HORMAD2: variants seen among roughly 807,000 people sequenced by gnomAD.
HORMAD2 encodes the protein HORMA domain containing 2.
A neutral mutation model predicts 38.8 loss-of-function variants in HORMAD2; 45 were observed. The ratio of observed to expected loss-of-function variants is 1.16; its 90% CI spans 0.91 to 1.49. The LOEUF (loss-of-function observed/expected upper bound fraction) is 1.49. Among genes scored for constraint, HORMAD2 ranks in the 40% most tolerant of loss-of-function variants. HORMAD2 has a pLI of 0.00. For missense variants in HORMAD2, 338 were observed against 367.0 expected, an observed-to-expected ratio of 0.92 and a Z score of 0.65; for synonymous variants, 126 against 122.8, an observed-to-expected ratio of 1.03 and a Z score of -0.17.
chr22:30,090,076 A>G (rs2146065598), intron 1 of HORMAD2, among the ~76,000 whole-genome samples: 1 of 152,310 alleles, frequency 6.6e-6, no homozygotes, highest in Admixed American at 6.5e-5. Flanking sequence ...TTAAGATTGA[A>G]TAGGGGTCGG....
At chr22:30,078,607 CAAAAAAAAAAAA>C (rs55966787), upstream of HORMAD2, among the ~76,000 whole-genome samples, 8 of 28,104 alleles carry the variant, frequency 2.8e-4, no homozygotes, top group South Asian at 2.0e-3. Context: ...CTCTGTCTCA[CAAAAAAAAAAAA>C]AAAAAAAAAA....
chr22:30,126,782 T>G (rs1315200561), intron 10 of HORMAD2, among the ~76,000 whole-genome samples: 2 of 152,222 alleles, frequency 1.3e-5, no homozygotes, highest in African/African-American at 2.4e-5. Context: ...AAAGTATTTG[T>G]GCCAATTTAC....
At chr22:30,145,730 T>C (rs983507254) in intron 10 of HORMAD2, among the ~76,000 whole-genome samples, 4 of 152,200 alleles carry the variant, frequency 2.6e-5, no homozygotes, top group African/African-American at 4.8e-5. Flanking sequence ...CTGTGTGTAA[T>C]TGAAATTCCA....
chr22:30,156,338 A>C (rs1925071405), intron 10 of HORMAD2, among the ~76,000 whole-genome samples: 2 of 152,240 alleles, frequency 1.3e-5, no homozygotes, highest in East Asian at 1.9e-4. Context: ...CTAAAAAAGC[A>C]TATATTATTA....
intron 7 of HORMAD2, among the ~76,000 whole-genome samples, chr22:30,118,141 G>A (rs1024107947): frequency 1.3e-5 from 2 of 152,022 alleles, no homozygotes; most frequent in African/African-American, 2.4e-5. Context: ...AAACTCTTCC[G>A]TAGACTTCTA....
intron 10 of HORMAD2, among the ~76,000 whole-genome samples, chr22:30,141,417 A>C (rs1204608925): frequency 1.3e-5 from 2 of 152,028 alleles, no homozygotes; most frequent in African/African-American, 2.4e-5. Context: ...GTTTGGTTAC[A>C]TGAGTAAGTT....
the HORMAD2 span, chr22:30,192,370 T>A: frequency 6.6e-6 from 1 of 152,200 alleles, no homozygotes; most frequent in Non-Finnish European, 1.5e-5. Context: ...AGGGTTTGTA[T>A]ACATAGAGTC....
the HORMAD2 span, among the ~76,000 whole-genome samples, chr22:30,200,653 T>A: frequency 1.3e-5 from 2 of 151,542 alleles, no homozygotes; most frequent in Admixed American, 6.6e-5. Context: ...TCAAGGGGGG[T>A]GGTGGTCCAA....
At chr22:30,172,663 G>A (rs1011415959) in intron 10 of HORMAD2, among the ~76,000 whole-genome samples, 5 of 152,116 alleles carry the variant, frequency 3.3e-5, no homozygotes, top group Non-Finnish European at 5.9e-5. Context: ...CAACGCATGC[G>A]GATCACCTGA....
At chr22:30,177,256 A>T (rs995876727), downstream of HORMAD2, among the ~76,000 whole-genome samples, 3 of 152,048 alleles carry the variant, frequency 2.0e-5, no homozygotes, top group Non-Finnish European at 4.4e-5. Flanking sequence ...ACTGTGGAAA[A>T]CTCTCCAGAT....
At chr22:30,117,821 C>A (rs1400190619) in intron 7 of HORMAD2, among the ~76,000 whole-genome samples, 1 of 152,134 alleles carries the variant, frequency 6.6e-6, no homozygotes, top group African/African-American at 2.4e-5. Flanking sequence ...GCCAGACATT[C>A]ATTTTATTTT....
At position 30,121,907 on chromosome 22, in the gene HORMAD2, C is replaced by T. The variant is rs952695632; in HGVS notation, c.569-57C>T. The T allele has an allele frequency of 1.2e-5, 19 of 1,563,246 alleles. No individual in the cohort carries two copies. In the African/African-American group the frequency reaches 1.2e-4, roughly 10 times the overall value. ...CTGTTGCTACACATGAAAGATTAAT[C>T]GGATTTGTTGTATTGAAACTCAGTT... On this transcript the variant is annotated intron_variant, in intron 9 of 10. Coordinates refer to ENST00000336726, the MANE Select transcript of HORMAD2 (RefSeq NM_152510.4).
rs371361380 is a variant in HORMAD2 at position 30,112,418 on chromosome 22, C to T, written c.316-78C>T. On this transcript the variant is annotated intron_variant, in intron 6 of 10. Transcript: ENST00000336726. ...CAACTAATAGAACACAAATTGAACT[C>T]TATATAAAAAAGGTATTTGATGAGG... 2.6e-4 allele frequency: 181 copies of T among 702,990 alleles called. No individual in the cohort carries two copies. The African/African-American group carries it at 3.1e-3, about 12-fold the overall frequency. The allele number at this position is 702,990 out of a possible 1,614,324, so 43.5% of individuals were successfully genotyped here.
chr22:30,108,636 A>T (rs1381501003), intron 5 of HORMAD2, among the ~76,000 whole-genome samples: 1 of 151,978 alleles, frequency 6.6e-6, no homozygotes, highest in Non-Finnish European at 1.5e-5. Context: ...ATAGCATCCC[A>T]TGCTGCTTCT....
intron 1 of HORMAD2, among the ~76,000 whole-genome samples, chr22:30,086,948 C>G (rs1331204218): frequency 6.6e-6 from 1 of 152,178 alleles, no homozygotes; most frequent in African/African-American, 2.4e-5. Context: ...GCATGTGCCA[C>G]TACGCCCAGC....
chr22:30,078,487 C>T (rs1032943006), upstream of HORMAD2, among the ~76,000 whole-genome samples: 1 of 150,990 alleles, frequency 6.6e-6, no homozygotes, highest in South Asian at 2.1e-4. Flanking sequence ...ATGCCTGTAA[C>T]CCCAGCTACT....
Position 30,116,801 on chromosome 22 carries a change from T to G in HORMAD2, c.343-2179T>G, listed in dbSNP as rs141555528. 1.7e-3 allele frequency among the ~76,000 whole-genome samples: 260 copies of G among 152,302 alleles called. 3 individuals are homozygous for G. The highest frequency in any genetic ancestry group is 0.014 in the Middle Eastern group (4 of 294). On this transcript the variant is annotated intron_variant, in intron 7 of 10. Coordinates refer to ENST00000336726, the MANE Select transcript of HORMAD2 (RefSeq NM_152510.4). ...CAACTACTAAAACAACCTACTCTTG[T>G]TACAATTTAAAAAAACAAAAGATCA... is the stretch of plus-strand genomic sequence containing the variant.
chr22:30,107,519 C>G (rs990105278), intron 5 of HORMAD2, among the ~76,000 whole-genome samples: 1 of 152,044 alleles, frequency 6.6e-6, no homozygotes, highest in Non-Finnish European at 1.5e-5. Flanking sequence ...GAGGCTGAGA[C>G]GGGTGGATCT....
the HORMAD2 span, among the ~76,000 whole-genome samples, chr22:30,206,062 T>G: frequency 6.6e-6 from 1 of 152,100 alleles, no homozygotes; most frequent in African/African-American, 2.4e-5. Flanking sequence ...GTGCTCAGTA[T>G]TCACATTTTC....
Sources: allele counts gnomAD v4.1 joint callset (sites outside exome capture counted in the v4.1 genomes callset), GRCh38; gene constraint gnomAD v4.1.1; transcripts MANE v1.5; gene names NCBI Gene and HGNC (gene_info 2026-07-23, HGNC 2026-07-21).